CBFA2T2: variants seen among roughly 807,000 people sequenced by gnomAD.
CBFA2T2 encodes CBFA2/RUNX1 partner transcriptional co-repressor 2, also known as protein CBFA2T2.
Under a neutral mutation model 62.2 loss-of-function variants are expected in CBFA2T2, and 11 were observed. That is an observed-to-expected ratio of 0.18 (90% CI 0.11 to 0.29). The LOEUF (loss-of-function observed/expected upper bound fraction) is 0.29, where lower values mean the gene tolerates loss of function less well. CBFA2T2 is among the 10% of genes least tolerant of loss of function. The probability of loss-of-function intolerance (pLI) is 1.00; values close to 1 mark genes in which losing one functional copy is unlikely to be tolerated. For synonymous variants in CBFA2T2, 295 were observed against 287.5 expected (o/e 1.03, Z -0.27); for missense variants, 592 against 774.1 (o/e 0.76, Z 2.79).
chr20:33,582,450 T>A (rs902112571), intron 1 of CBFA2T2, among the ~76,000 whole-genome samples: 1 of 151,596 alleles, frequency 6.6e-6, no homozygotes, highest in African/African-American at 2.4e-5. Flanking sequence ...ACCACGCCAT[T>A]GCACTCCAGC....
intron 3 of CBFA2T2, among the ~76,000 whole-genome samples, chr20:33,613,354 G>A (rs2015594422): frequency 6.6e-6 from 1 of 152,194 alleles, no homozygotes; most frequent in South Asian, 2.1e-4. Flanking sequence ...CACAGGACTT[G>A]ACATACAGTT....
At chr20:33,623,741 T>C in intron 5 of CBFA2T2, 3 of 702,462 alleles carry the variant, frequency 4.3e-6, no homozygotes, top group Non-Finnish European at 7.9e-6. Context: ...TCAGACTTTC[T>C]GTGGTTATTT....
chr20:33,516,771 T>G (rs1004505623), intron 1 of CBFA2T2, among the ~76,000 whole-genome samples: 5 of 152,238 alleles, frequency 3.3e-5, no homozygotes, highest in Admixed American at 2.0e-4. Context: ...TCACGCAGTG[T>G]TTTTTCTAAA....
At chr20:33,613,097 C>T (rs940402194) in intron 3 of CBFA2T2, among the ~76,000 whole-genome samples, 1 of 152,296 alleles carries the variant, frequency 6.6e-6, no homozygotes, top group African/African-American at 2.4e-5. Context: ...AAAAATTTCT[C>T]AGTCTATTAT....
At chr20:33,626,396 G>A (rs114795100) in intron 6 of CBFA2T2, among the ~76,000 whole-genome samples, 3,446 of 152,278 alleles carry the variant, frequency 0.023, 127 homozygotes, top group African/African-American at 0.079. Context: ...AGTTGCTTGG[G>A]CTCTCTGAGC....
intron 1 of CBFA2T2, among the ~76,000 whole-genome samples, chr20:33,575,698 T>G (rs2013789623): frequency 6.6e-6 from 1 of 152,064 alleles, no homozygotes; most frequent in African/African-American, 2.4e-5. Context: ...AGTGAAGAGC[T>G]CAAGGAACTC....
At chr20:33,553,664 G>T (rs2012804428) in intron 1 of CBFA2T2, among the ~76,000 whole-genome samples, 1 of 152,186 alleles carries the variant, frequency 6.6e-6, no homozygotes, top group African/African-American at 2.4e-5. Flanking sequence ...AATGGGCATG[G>T]TCCTTTTCCA....
chr20:33,605,809 A>G (rs1164157519), intron 1 of CBFA2T2, among the ~76,000 whole-genome samples: 2 of 151,670 alleles, frequency 1.3e-5, no homozygotes, highest in Non-Finnish European at 2.9e-5. Flanking sequence ...AATTTAGTAC[A>G]TCATTATTAA....
chr20:33,506,127 G>A (rs1475222112), intron 1 of CBFA2T2, among the ~76,000 whole-genome samples: 1 of 151,944 alleles, frequency 6.6e-6, no homozygotes, highest in East Asian at 1.9e-4. Flanking sequence ...AATAGAAGGG[G>A]CTGGGTATGG....
At chr20:33,504,891 A>G (rs771186709) in intron 1 of CBFA2T2, among the ~76,000 whole-genome samples, 3 of 152,188 alleles carry the variant, frequency 2.0e-5, no homozygotes, top group Admixed American at 6.5e-5. Flanking sequence ...TCTCATTTCT[A>G]CAATGAAAGG....
intron 1 of CBFA2T2, among the ~76,000 whole-genome samples, chr20:33,497,799 T>C (rs1455571579): frequency 6.6e-6 from 1 of 152,026 alleles, no homozygotes; most frequent in Non-Finnish European, 1.5e-5. Context: ...CTGCCCGCCT[T>C]GGCCTCCCAA....
intron 1 of CBFA2T2, among the ~76,000 whole-genome samples, chr20:33,552,075 G>GTT (rs57034549): frequency 3.7e-4 from 50 of 136,932 alleles, no homozygotes; most frequent in African/African-American, 1.1e-3. Context: ...TGCTTCCCTG[G>GTT]TTTTTTTTTT....
At chr20:33,623,559 A>ATGTATGTT (rs2016081594) in intron 5 of CBFA2T2, among the ~76,000 whole-genome samples, 1 of 148,768 alleles carries the variant, frequency 6.7e-6, no homozygotes, top group Non-Finnish European at 1.5e-5. Context: ...TGACCAGCTA[A>ATGTATGTT]TGTTTGTTTG....
At chr20:33,551,249 T>C (rs2012734049) in intron 1 of CBFA2T2, among the ~76,000 whole-genome samples, 1 of 151,374 alleles carries the variant, frequency 6.6e-6, no homozygotes, top group Non-Finnish European at 1.5e-5. Context: ...GGAGTTTCGC[T>C]GTTGTCGCCC....
Position 33,619,683 on chromosome 20 carries a change from A to G in CBFA2T2, c.510+77A>G. ...TGCTAATCCCTGTTACGTGATTTAA[A>G]TCAGAGCCGCTTGCCACGTTTTTAG... On this transcript the variant is annotated intron_variant, in intron 4 of 10. Transcript: ENST00000342704. 5.6e-6 allele frequency: 6 copies of G among 1,073,484 alleles called. No individual in the cohort carries two copies. In the South Asian group the frequency reaches 9.0e-5, roughly 16 times the overall value. The allele number at this position is 1,073,484 out of a possible 1,614,324, so 66.5% of individuals were successfully genotyped here.
At chr20:33,616,067 C>T (rs1458867967) in intron 3 of CBFA2T2, among the ~76,000 whole-genome samples, 1 of 144,322 alleles carries the variant, frequency 6.9e-6, no homozygotes, top group South Asian at 2.2e-4. Context: ...CAAAGCAATA[C>T]TCTGTAGATA....
chr20:33,568,569 G>A (rs1233938579), intron 1 of CBFA2T2, among the ~76,000 whole-genome samples: 1 of 152,152 alleles, frequency 6.6e-6, no homozygotes, highest in African/African-American at 2.4e-5. Context: ...GCGCGTGCCT[G>A]CTCTGTCCCT....
intron 1 of CBFA2T2, among the ~76,000 whole-genome samples, chr20:33,576,328 G>C (rs569064410): frequency 8.4e-4 from 128 of 152,242 alleles, no homozygotes; most frequent in African/African-American, 2.9e-3. Flanking sequence ...CTGGAACTTA[G>C]GAGTTTGCTC....
At position 33,567,969 on chromosome 20, in the gene CBFA2T2, T is replaced by C. The variant is rs145419710; in HGVS notation, c.35-38987T>C. Among the ~76,000 whole-genome samples, 727 of 152,300 alleles carry C rather than the reference T, an allele frequency of 4.8e-3. 8 individuals carry two copies. Among genetic ancestry groups the C allele is most frequent in the African/African-American group, 0.016 (670 of 41,574 alleles). ...TTGGTACTGTCTGGGGTTTCAGGCATCCGCTGGGGGTCTTGGAACGCATCT... is the reference window on the plus strand; with the variant it reads ...TTGGTACTGTCTGGGGTTTCAGGCACCCGCTGGGGGTCTTGGAACGCATCT... On this transcript the variant is annotated intron_variant, in intron 1 of 10. Coordinates refer to ENST00000342704, the MANE Select transcript of CBFA2T2 (RefSeq NM_001032999.3).
Sources: allele counts gnomAD v4.1 joint callset (sites outside exome capture counted in the v4.1 genomes callset), GRCh38; gene constraint gnomAD v4.1.1; transcripts MANE v1.5; gene names NCBI Gene and HGNC (gene_info 2026-07-23, HGNC 2026-07-21).